FBXL20: variants seen among roughly 807,000 people sequenced by gnomAD.
FBXL20 encodes F-box/LRR-repeat protein 20.
Under a neutral mutation model 64.0 loss-of-function variants are expected in FBXL20, and 11 were observed. The ratio of observed to expected loss-of-function variants is 0.17; its 90% CI spans 0.11 to 0.28. The LOEUF (loss-of-function observed/expected upper bound fraction) is 0.28, where lower values mean the gene tolerates loss of function less well. Ranked by LOEUF, FBXL20 falls within the 10% of genes least tolerant of loss-of-function variation. FBXL20 has a pLI of 1.00. For synonymous variants in FBXL20, 184 were observed against 189.0 expected, an observed-to-expected ratio of 0.97 and a Z score of 0.22; for missense variants, 303 against 526.2, an observed-to-expected ratio of 0.58 and a Z score of 4.15.
intron 2 of FBXL20, among the ~76,000 whole-genome samples, chr17:39,334,684 A>G (rs536211829): frequency 7.2e-5 from 11 of 152,196 alleles, no homozygotes; most frequent in East Asian, 1.9e-4. Context: ...CTTATAGGTA[A>G]TAACAGTCCT....
At chr17:39,349,212 A>T (rs1446915416) in intron 1 of FBXL20, among the ~76,000 whole-genome samples, 1 of 151,212 alleles carries the variant, frequency 6.6e-6, no homozygotes, top group Non-Finnish European at 1.5e-5. Context: ...AGATCATGCC[A>T]CTGCACTCCA....
intron 5 of FBXL20, among the ~76,000 whole-genome samples, chr17:39,297,726 C>T (rs1174032258): frequency 6.6e-6 from 1 of 151,996 alleles, no homozygotes; most frequent in East Asian, 1.9e-4. Flanking sequence ...AGGTGTGAGC[C>T]ATTAAGCCTG....
At chr17:39,397,968 G>A (rs576176729) in intron 1 of FBXL20, among the ~76,000 whole-genome samples, 15 of 145,340 alleles carry the variant, frequency 1.0e-4, no homozygotes, top group East Asian at 1.0e-3. Flanking sequence ...AAACAGAATC[G>A]TAAAACTAGA....
At chr17:39,383,853 G>A (rs1274286908) in intron 1 of FBXL20, among the ~76,000 whole-genome samples, 1 of 151,804 alleles carries the variant, frequency 6.6e-6, no homozygotes, top group Non-Finnish European at 1.5e-5. Flanking sequence ...GCCTCCCAAA[G>A]TGCTGGGATT....
chr17:39,333,873 T>C (rs1432113093), intron 2 of FBXL20, among the ~76,000 whole-genome samples: 130 of 125,754 alleles, frequency 1.0e-3, no homozygotes, highest in South Asian at 1.6e-3. Flanking sequence ...TCTGACCGGC[T>C]GCCCCGTCTG....
chr17:39,268,948 T>C, intron 11 of FBXL20, 77 bp from the exon 12 acceptor site: 1 of 1,222,806 alleles, frequency 8.2e-7, no homozygotes, highest in East Asian at 2.3e-5. Context: ...GACAGAAAAC[T>C]AAGAGGTAAT....
upstream of FBXL20, chr17:39,401,896 C>T: frequency 4.9e-6 from 2 of 408,910 alleles, no homozygotes. Context: ...CAGGGAAGTG[C>T]CTGTGCGTGT....
chr17:39,331,177 T>C (rs2047456752), intron 2 of FBXL20, among the ~76,000 whole-genome samples: 1 of 152,234 alleles, frequency 6.6e-6, no homozygotes, highest in Admixed American at 6.5e-5. Context: ...ATGATTTTTT[T>C]ACAGCCTCCA....
intron 1 of FBXL20, among the ~76,000 whole-genome samples, chr17:39,388,826 G>A (rs2048108543): frequency 6.7e-6 from 1 of 149,880 alleles, no homozygotes; most frequent in African/African-American, 2.4e-5. Flanking sequence ...GATCTGCCGG[G>A]TGCAGTGGCT....
chr17:39,381,991 A>C (rs1417678368), intron 1 of FBXL20, among the ~76,000 whole-genome samples: 1 of 150,886 alleles, frequency 6.6e-6, no homozygotes, highest in Non-Finnish European at 1.5e-5. Flanking sequence ...CTACTCAGGA[A>C]GCTGAGCAGG....
At chr17:39,342,953 AATCAT>A (rs1419394714) in intron 2 of FBXL20, among the ~76,000 whole-genome samples, 31 of 152,316 alleles carry the variant, frequency 2.0e-4, no homozygotes, top group Non-Finnish European at 3.7e-4. Flanking sequence ...ATGTACATAA[AATCAT>A]ATCATAAGTA....
chr17:39,308,733 T>C (rs915383834), intron 2 of FBXL20, among the ~76,000 whole-genome samples: 4 of 151,892 alleles, frequency 2.6e-5, no homozygotes, highest in Admixed American at 2.6e-4. Flanking sequence ...GCCCGGCTAA[T>C]TTTTTGTATT....
At chr17:39,396,966 A>AC (rs983141274) in intron 1 of FBXL20, among the ~76,000 whole-genome samples, 1 of 130,410 alleles carries the variant, frequency 7.7e-6, no homozygotes, top group African/African-American at 3.7e-5. Context: ...CAAAAAAAAA[A>AC]AAAAAAAAAA....
rs576648110 is a variant in FBXL20 at position 39,254,660 on chromosome 17, A to C, written c.*6800T>G. On this transcript the variant is annotated 3_prime_UTR_variant, in exon 15 of 15. Coordinates refer to ENST00000264658, the MANE Select transcript of FBXL20 (RefSeq NM_032875.3). The stretch of plus-strand genomic sequence containing the variant: ...GGTGCAGTTGATCAGAGAGGAAAGT[A>C]AATGTACCCATGTGTGACACAGCCA... 6.5e-6 allele frequency: 1 copy of C among 154,600 alleles called. No individual in the cohort carries two copies. Among genetic ancestry groups the C allele is most frequent in the East Asian group, 1.9e-4 (1 of 5,314 alleles). The allele number at this position is 154,600 out of a possible 1,614,324, so 9.6% of individuals were successfully genotyped here.
At chr17:39,286,625 C>G (rs1555604383) in intron 6 of FBXL20, among the ~76,000 whole-genome samples, 1 of 151,980 alleles carries the variant, frequency 6.6e-6, no homozygotes, top group African/African-American at 2.4e-5. Flanking sequence ...ATTGTGAAAC[C>G]CTGTCTCTAC....
At chr17:39,273,811 C>T (rs946750455) in intron 10 of FBXL20, among the ~76,000 whole-genome samples, 7 of 122,436 alleles carry the variant, frequency 5.7e-5, no homozygotes, top group Non-Finnish European at 1.3e-4. Context: ...CAGAGCAAGA[C>T]TCTGTTTCAG....
At chr17:39,384,847 G>C (rs1308371725) in intron 1 of FBXL20, among the ~76,000 whole-genome samples, 2 of 152,038 alleles carry the variant, frequency 1.3e-5, no homozygotes, top group Admixed American at 6.6e-5. Flanking sequence ...CTACTTGAGA[G>C]GCTGAGGCAG....
chr17:39,307,128 A>T (rs1187406307), intron 2 of FBXL20, among the ~76,000 whole-genome samples: 1 of 152,226 alleles, frequency 6.6e-6, no homozygotes, highest in Non-Finnish European at 1.5e-5. Flanking sequence ...AAAGAAAAAC[A>T]TTCTGATTTG....
intron 1 of FBXL20, among the ~76,000 whole-genome samples, chr17:39,398,510 GGGT>G (rs2048209167): frequency 6.6e-6 from 1 of 152,118 alleles, no homozygotes; most frequent in Non-Finnish European, 1.5e-5. Flanking sequence ...TGACCTACAA[GGGT>G]TATTACTGTA....
Sources: gnomAD v4.1 joint callset for allele counts (sites outside exome capture counted in the v4.1 genomes callset) on GRCh38, gnomAD v4.1.1 for gene constraint, MANE v1.5 for transcripts, NCBI Gene and HGNC (gene_info 2026-07-23, HGNC 2026-07-21) for gene names.